LIMK2: variants seen among roughly 807,000 people sequenced by gnomAD.
LIMK2 encodes LIM domain kinase 2.
Under a neutral mutation model 75.7 loss-of-function variants are expected in LIMK2, and 35 were observed. The ratio of observed to expected loss-of-function variants is 0.46; its 90% CI spans 0.35 to 0.61. The LOEUF (loss-of-function observed/expected upper bound fraction) is 0.61, where lower values mean the gene tolerates loss of function less well. Ranked by LOEUF, LIMK2 falls within the 20% of genes least tolerant of loss-of-function variation. The probability of loss-of-function intolerance (pLI) is 0.00; values close to 1 mark genes in which losing one functional copy is unlikely to be tolerated. For synonymous variants in LIMK2, 301 were observed against 319.2 expected (o/e 0.94, Z 0.61); for missense variants, 623 against 831.0 (o/e 0.75, Z 3.08).
At chr22:31,264,394 A>G (rs73394310) in intron 7 of LIMK2, among the ~76,000 whole-genome samples, 2,004 of 152,346 alleles carry the variant, frequency 0.013, 45 homozygotes, top group African/African-American at 0.044. Context: ...CAAGTAAAGC[A>G]GGAGCATACC....
At chr22:31,246,492 G>A (rs1018037313) in intron 2 of LIMK2, among the ~76,000 whole-genome samples, 1 of 151,942 alleles carries the variant, frequency 6.6e-6, no homozygotes, top group Non-Finnish European at 1.5e-5. Flanking sequence ...GAGTGGCCAC[G>A]ACAGTCTGTA....
At chr22:31,253,654 G>T (rs567292885) in intron 2 of LIMK2, among the ~76,000 whole-genome samples, 3 of 152,230 alleles carry the variant, frequency 2.0e-5, no homozygotes, top group African/African-American at 7.2e-5. Flanking sequence ...TACAGTGGAT[G>T]TGGCTTTGCA....
intron 2 of LIMK2, among the ~76,000 whole-genome samples, chr22:31,257,868 G>T (rs1223829482): frequency 6.6e-6 from 1 of 152,206 alleles, no homozygotes; most frequent in Non-Finnish European, 1.5e-5. Flanking sequence ...AACTGCTTTT[G>T]TTCATTGAAG....
chr22:31,276,785 T>G, intron 15 of LIMK2: 1 of 1,606,578 alleles, frequency 6.2e-7, no homozygotes, highest in East Asian at 2.2e-5. Context: ...GCATCTACTT[T>G]CAGAGCCCCC....
intron 2 of LIMK2, among the ~76,000 whole-genome samples, chr22:31,243,015 C>T (rs1055781840): frequency 6.6e-6 from 1 of 152,212 alleles, no homozygotes; most frequent in Admixed American, 6.5e-5. Flanking sequence ...CTCCGCCTCC[C>T]GGGTTCAAGC....
chr22:31,272,471 C>G, intron 12 of LIMK2, 59 bp from the exon 13 acceptor site: 7 of 1,511,702 alleles, frequency 4.6e-6, no homozygotes, highest in Non-Finnish European at 6.2e-6. Flanking sequence ...ATGCTTCCTC[C>G]CCAGGGCCAG....
In LIMK2 at chr22:31,257,050, T is replaced by A. The variant is rs2048790761; in HGVS notation, c.117-1241T>A. 4.6e-5 allele frequency among the ~76,000 whole-genome samples: 3 copies of A among 64,860 alleles called. No homozygotes were observed. In the Admixed American group the frequency reaches 4.9e-4, roughly 11 times the overall value. 42.6% of individuals were successfully genotyped at this position (64,860 alleles called of 152,430 possible). ...AGAAGGGAGCTATAGATTTTTTTTT[T>A]TTTTTTTTTTTTTTTTTTTTTTTTA... On this transcript the variant is annotated intron_variant, in intron 2 of 15. Coordinates refer to ENST00000331728, the MANE Select transcript of LIMK2 (RefSeq NM_005569.4).
intron 2 of LIMK2, among the ~76,000 whole-genome samples, chr22:31,242,813 C>T (rs1024518950): frequency 1.3e-5 from 2 of 152,252 alleles, no homozygotes; most frequent in African/African-American, 2.4e-5. Context: ...TAAACTCTCA[C>T]TCTGTAAAAC....
intron 2 of LIMK2, among the ~76,000 whole-genome samples, chr22:31,233,893 C>T (rs528489458): frequency 6.6e-6 from 1 of 152,306 alleles, no homozygotes; most frequent in Non-Finnish European, 1.5e-5. Flanking sequence ...TCTCCCACCA[C>T]CACCCTGCTC....
chr22:31,248,209 G>T (rs2048688839), intron 2 of LIMK2: 1 of 455,700 alleles, frequency 2.2e-6, no homozygotes, highest in African/African-American at 2.1e-5. Context: ...TGCAGCGCCT[G>T]CCTGCAGCCT....
chr22:31,234,748 T>G (rs2123790160), intron 2 of LIMK2, among the ~76,000 whole-genome samples: 1 of 150,724 alleles, frequency 6.6e-6, no homozygotes, highest in East Asian at 2.0e-4. Context: ...AAAAATTCCT[T>G]AATTTGGCCT....
chr22:31,235,528 C>A (rs1049750829), intron 2 of LIMK2, among the ~76,000 whole-genome samples: 2 of 152,022 alleles, frequency 1.3e-5, no homozygotes, highest in Non-Finnish European at 2.9e-5. Context: ...AGGAACAAGC[C>A]CTAGGTACCT....
Position 31,258,295 on chromosome 22 carries a change from T to A in LIMK2, c.121T>A (p.Ser41Thr). The A allele has an allele frequency of 2.5e-6, 4 of 1,602,442 alleles. No homozygotes were observed. The highest frequency in any genetic ancestry group is 3.4e-6 in the Non-Finnish European group (4 of 1,172,020). Residue 41 changes from serine to threonine, a missense_variant, in exon 3 of 16, where the codon TCA (serine) becomes ACA (threonine). By Grantham distance (58) the Ser-to-Thr change is moderately conservative. Coordinates refer to ENST00000331728, the MANE Select transcript of LIMK2 (RefSeq NM_005569.4). ...AGTTCTTGTCTTGCCTTTCAGGTGT[T>A]CAGAATGCCAGGATTCCCTCACCAA... is the stretch of plus-strand genomic sequence containing the variant. ...ETWHGSCFRCSECQDSLTNWY... is the reference protein window; with the variant it reads ...ETWHGSCFRCTECQDSLTNWY...
At chr22:31,222,821 ATTTTAATG>A (rs2048447686) in intron 1 of LIMK2, 1 of 152,116 alleles carries the variant, frequency 6.6e-6, no homozygotes, top group South Asian at 2.1e-4. Context: ...TCTCAGTCCA[ATTTTAATG>A]TATGTGCTGC....
chr22:31,262,006 G>T lies in LIMK2; in HGVS notation c.552-128G>T. 1.4e-6 allele frequency: 1 copy of T among 713,638 alleles called. No individual in the cohort carries two copies. The highest frequency in any genetic ancestry group is 1.6e-5 in the South Asian group (1 of 62,114). 44.2% of individuals were successfully genotyped at this position (713,638 alleles called of 1,614,324 possible). A position where few individuals can be genotyped will look rare whatever the true frequency, so the allele number is the denominator to read the frequency against. The stretch of plus-strand genomic sequence containing the variant: ...CCTGGAAAAGGTGTTGCCTTTCTGT[G>T]TGGGTATCCTGGGCCCCTTAGGGGC... On this transcript the variant is annotated intron_variant, in intron 5 of 15. Coordinates refer to ENST00000331728, the MANE Select transcript of LIMK2 (RefSeq NM_005569.4). This position sits in a 1 kb window ranked among gnomAD's most constrained non-coding sequence, Gnocchi z 5.0.
chr22:31,259,355 A>G (rs2048815563), intron 4 of LIMK2, 125 bp downstream of exon 4: 2 of 644,608 alleles, frequency 3.1e-6, no homozygotes, highest in African/African-American at 1.8e-5. Flanking sequence ...TTACCACAGC[A>G]GTGCTCTTAA....
At chr22:31,263,114 A>G (rs1366786537) in intron 7 of LIMK2, among the ~76,000 whole-genome samples, 1 of 152,236 alleles carries the variant, frequency 6.6e-6, no homozygotes, top group African/African-American at 2.4e-5. Flanking sequence ...AGCCTGGAGT[A>G]GGGGCACAGA....
intron 1 of LIMK2, among the ~76,000 whole-genome samples, chr22:31,213,611 C>G (rs1165939777): frequency 1.3e-5 from 2 of 152,088 alleles, no homozygotes; most frequent in Non-Finnish European, 2.9e-5. Flanking sequence ...ATGCCTAAAA[C>G]AAATTTTTTT....
chr22:31,275,752 A>G (rs1284517443), intron 15 of LIMK2: 1 of 158,506 alleles, frequency 6.3e-6, no homozygotes, highest in Admixed American at 6.1e-5. Flanking sequence ...CTGTCTGAAC[A>G]TATTGTAATG....
Sources: gnomAD v4.1 joint callset for allele counts (sites outside exome capture counted in the v4.1 genomes callset) on GRCh38, gnomAD v4.1.1 for gene constraint, Gnocchi (gnomAD v3.1) non-coding constraint, MANE v1.5 for transcripts, NCBI Gene and HGNC (gene_info 2026-07-23, HGNC 2026-07-21) for gene names.